SI: variants seen among roughly 807,000 people sequenced by gnomAD.
SI encodes the protein sucrase-isomaltase.
In SI, 235 loss-of-function variants were observed where a neutral mutation model predicts 253.3. The ratio of observed to expected loss-of-function variants is 0.93; its 90% CI spans 0.83 to 1.03. The LOEUF is 1.03. Among genes scored for constraint, SI ranks in the 50% least tolerant of loss-of-function variants. SI has a pLI of 0.00. For missense variants in SI, 2,442 were observed against 2,211.1 expected (o/e 1.10, Z -2.09); for synonymous variants, 819 against 712.0 (o/e 1.15, Z -2.39).
intron 16 of SI, 111 bp downstream of exon 16, chr3:165,046,730 A>G: frequency 2.2e-6 from 2 of 902,426 alleles, no homozygotes; most frequent in East Asian, 2.7e-5. Flanking sequence ...TAAAAAACTG[A>G]ATTATTTCTG....
At chr3:165,000,542 G>A (rs1453609751) in intron 37 of SI, among the ~76,000 whole-genome samples, 1 of 151,154 alleles carries the variant, frequency 6.6e-6, no homozygotes, top group Non-Finnish European at 1.5e-5. Context: ...ACATCACAAT[G>A]TACTCCATAT....
intron 22 of SI, among the ~76,000 whole-genome samples, chr3:165,035,309 AT>A (rs1379128639): frequency 6.6e-6 from 1 of 152,014 alleles, no homozygotes. Context: ...AATATTTATA[AT>A]TAATAGCTGT....
chr3:164,987,154 A>G lies in SI; in HGVS notation c.5181T>C (p.Asp1727=). 6.2e-7 allele frequency: 1 copy of G among 1,613,380 alleles called. No individual in the cohort carries two copies. The highest frequency in any genetic ancestry group is 8.5e-7 in the Non-Finnish European group (1 of 1,179,446). The change falls in exon 45 of 48, where the codon GAT becomes GAC. Residue 1727 remains aspartate (D), a synonymous_variant. Coordinates refer to ENST00000264382, the MANE Select transcript of SI (RefSeq NM_001041.4). ...NQMAQGSLFW[D]DGESIDTYER... ...AGCACTCACCTATACTCTCTCCATC[A>G]TCCCAAAACAGAGAACCCTGTGCCA... is the stretch of plus-strand genomic sequence containing the variant.
chr3:165,055,827 T>C (rs1713669966), intron 12 of SI, among the ~76,000 whole-genome samples: 1 of 152,136 alleles, frequency 6.6e-6, no homozygotes. Flanking sequence ...GCAGGTACTA[T>C]TTTTATCACC....
At chr3:165,012,877 T>C in intron 34 of SI, 103 bp downstream of exon 34, 3 of 808,990 alleles carry the variant, frequency 3.7e-6, no homozygotes, top group Admixed American at 1.7e-5. Flanking sequence ...AAAATGGCCA[T>C]CTATTTTTAA....
At chr3:165,083,922 G>T in the SI span, among the ~76,000 whole-genome samples, 89,218 of 151,814 alleles carry the variant, frequency 0.59, 26,548 homozygotes, top group East Asian at 0.81. Context: ...TTTGTTGTTT[G>T]ATGACAAAAG....
chr3:165,079,554 G>T (rs1237436788), upstream of SI, among the ~76,000 whole-genome samples: 2 of 151,590 alleles, frequency 1.3e-5, no homozygotes, highest in African/African-American at 4.8e-5. Flanking sequence ...ATAGCAATAA[G>T]TTTAAAATCA....
At chr3:165,050,970 ATATT>A (rs1022943547) in intron 13 of SI, among the ~76,000 whole-genome samples, 11 of 152,058 alleles carry the variant, frequency 7.2e-5, no homozygotes, top group Non-Finnish European at 1.2e-4. Context: ...TTCCCAGATA[ATATT>A]TATTAACAGA....
chr3:165,084,771 C>G, the SI span, among the ~76,000 whole-genome samples: 1 of 151,946 alleles, frequency 6.6e-6, no homozygotes, highest in African/African-American at 2.4e-5. Flanking sequence ...TTGGAAACAG[C>G]TATTCTAAAA....
In SI at chr3:165,049,607, A is replaced by T. The variant is rs560588739; in HGVS notation, c.1597+184T>A. ...GACCAATTTTAAAGCCTTATACTAGATTTGTCTATTTAAATATAATCCTAG... is the reference window on the plus strand; with the variant it reads ...GACCAATTTTAAAGCCTTATACTAGTTTTGTCTATTTAAATATAATCCTAG... On this transcript the variant is annotated intron_variant, in intron 14 of 47. Transcript: ENST00000264382. Among the ~76,000 whole-genome samples, 765 of 152,220 alleles carry T rather than the reference A, an allele frequency of 5.0e-3. 5 individuals are homozygous for T. Among genetic ancestry groups the T allele is most frequent in the African/African-American group, 0.017 (727 of 41,578 alleles).
chr3:165,044,078 C>T (rs1049234436), intron 16 of SI, among the ~76,000 whole-genome samples: 7 of 151,890 alleles, frequency 4.6e-5, no homozygotes, highest in Non-Finnish European at 1.0e-4. Flanking sequence ...AAACTGTTTC[C>T]TGAACAAAAT....
intron 18 of SI, 103 bp downstream of exon 18, chr3:165,040,837 C>A (rs1712780640): frequency 1.1e-6 from 1 of 899,504 alleles, no homozygotes; most frequent in Non-Finnish European, 1.8e-6. Flanking sequence ...AAACAAGCAG[C>A]AGAAGTTTAA....
At chr3:165,059,368 C>G (rs1713875520) in intron 10 of SI, 69 bp from the exon 11 acceptor site, 8 of 1,413,930 alleles carry the variant, frequency 5.7e-6, no homozygotes, top group Admixed American at 1.7e-5. Context: ...CAATCTTTAA[C>G]TCCATTGAAC....
intron 25 of SI, among the ~76,000 whole-genome samples, chr3:165,029,142 G>A (rs1189309333): frequency 6.6e-6 from 1 of 150,704 alleles, no homozygotes; most frequent in Admixed American, 6.7e-5. Context: ...AATCTCAAAA[G>A]AAAAGATGAA....
chr3:165,084,457 C>T, the SI span, among the ~76,000 whole-genome samples: 5 of 151,856 alleles, frequency 3.3e-5, no homozygotes, highest in African/African-American at 7.3e-5. Flanking sequence ...AGCAAATTGA[C>T]AAAACAAATT....
At chr3:165,078,969 T>A (rs1299372468), upstream of SI, among the ~76,000 whole-genome samples, 1 of 151,376 alleles carries the variant, frequency 6.6e-6, no homozygotes, top group Non-Finnish European at 1.5e-5. Context: ...GATCTTAAGG[T>A]TGAAAAAGTG....
At position 164,998,525 on chromosome 3, in the gene SI, G is replaced by A. The variant is rs200664923; in HGVS notation, c.4540+15C>T. On this transcript the variant is annotated intron_variant, in intron 38 of 47. Transcript: ENST00000264382. ...AAAACACAAAATAATAATAAAGATGGTGACTTTCACTTACCAATGATTGAT... is the reference window on the plus strand; with the variant it reads ...AAAACACAAAATAATAATAAAGATGATGACTTTCACTTACCAATGATTGAT... 27 of 1,610,852 alleles carry A rather than the reference G, an allele frequency of 1.7e-5. No individual in the cohort carries two copies. The highest frequency in any genetic ancestry group is 1.6e-4 in the Middle Eastern group (1 of 6,062).
intron 16 of SI, 60 bp from the exon 17 acceptor site, chr3:165,043,235 T>C: frequency 1.8e-6 from 2 of 1,087,564 alleles, no homozygotes; most frequent in African/African-American, 1.6e-5. Flanking sequence ...GCCTAGAGCA[T>C]CACACTGTAT....
intron 37 of SI, among the ~76,000 whole-genome samples, chr3:165,005,621 G>T (rs190202244): frequency 9.2e-5 from 14 of 152,132 alleles, no homozygotes; most frequent in African/African-American, 2.7e-4. Flanking sequence ...TTTAATTATT[G>T]TATACTACTA....
Sources: gnomAD v4.1 joint callset for allele counts (sites outside exome capture counted in the v4.1 genomes callset) on GRCh38, gnomAD v4.1.1 for gene constraint, MANE v1.5 for transcripts, NCBI Gene and HGNC (gene_info 2026-07-23, HGNC 2026-07-21) for gene names.